The following MACF1 variants were observed in gnomAD, a reference collection of about 807,000 sequenced individuals.
MACF1 encodes microtubule actin crosslinking factor 1.
A neutral mutation model predicts 854.8 loss-of-function variants in MACF1; 193 were observed. The ratio of observed to expected loss-of-function variants is 0.23; its 90% confidence interval spans 0.20 to 0.25. The LOEUF is 0.25. Ranked by LOEUF, MACF1 falls within the 10% of genes least tolerant of loss-of-function variation. The pLI, the probability that MACF1 is intolerant of heterozygous loss-of-function variation, is 1.00. For missense variants in MACF1, 7,722 were observed against 8,929.1 expected, an observed-to-expected ratio of 0.86 and a Z score of 5.45; for synonymous variants, 3,185 against 3,226.7, an observed-to-expected ratio of 0.99 and a Z score of 0.44.
At chr1:39,473,213 T>C (rs1644810688) in intron 97 of MACF1, among the ~76,000 whole-genome samples, 1 of 152,204 alleles carries the variant, frequency 6.6e-6, no homozygotes, top group African/African-American at 2.4e-5. Flanking sequence ...AGACACCCTT[T>C]GGGCCCTCAG....
chr1:39,385,122 C>T (rs1650568782), intron 56 of MACF1, among the ~76,000 whole-genome samples: 1 of 152,172 alleles, frequency 6.6e-6, no homozygotes, highest in African/African-American at 2.4e-5. Flanking sequence ...GGCTGGAGTG[C>T]AGTGGTGCTG....
At position 39,430,857 on chromosome 1, in the gene MACF1, T is replaced by C. The variant is rs143622071; in HGVS notation, c.17286T>C (p.Thr5762=). The C allele has an allele frequency of 6.2e-7, 1 of 1,612,546 alleles. No homozygotes were observed. Among genetic ancestry groups the C allele is most frequent in the Non-Finnish European group, 8.5e-7 (1 of 1,180,000 alleles). ...AGCAGTACAAACTAGTCAGTGACACTATTGGACAAAGGGTGGATGAAATTG... is the reference window on the plus strand; with the variant it reads ...AGCAGTACAAACTAGTCAGTGACACCATTGGACAAAGGGTGGATGAAATTG... ...ANEQYKLVSD[T]IGQRVDEIDA... Residue 5762 remains threonine (T), a synonymous_variant, in exon 66 of 101, where the codon ACT becomes ACC. Coordinates refer to ENST00000564288, the MANE Select transcript of MACF1 (RefSeq NM_001394062.1).
chr1:39,327,983 A>C (rs936265343), intron 36 of MACF1, among the ~76,000 whole-genome samples: 2 of 152,140 alleles, frequency 1.3e-5, no homozygotes, highest in South Asian at 2.1e-4. Context: ...TATTATATAC[A>C]TGTGTCTCTG....
chr1:39,348,867 A>T (rs1207193322), intron 41 of MACF1, among the ~76,000 whole-genome samples: 5 of 152,142 alleles, frequency 3.3e-5, no homozygotes, highest in Admixed American at 1.3e-4. Context: ...CACCTAAAGG[A>T]CTGAGCCAGT....
chr1:39,287,053 T>G (rs542051186), intron 14 of MACF1, among the ~76,000 whole-genome samples: 1 of 151,042 alleles, frequency 6.6e-6, no homozygotes, highest in Non-Finnish European at 1.5e-5. Flanking sequence ...CTCCGCCTCC[T>G]GAGTTCAAGC....
At chr1:39,441,834 C>T in intron 74 of MACF1, 118 bp from the exon 75 acceptor site, 2 of 730,682 alleles carry the variant, frequency 2.7e-6, no homozygotes, top group Non-Finnish European at 4.7e-6. Context: ...TACCTGAAAT[C>T]ACAAACAGCA....
intron 2 of MACF1, among the ~76,000 whole-genome samples, chr1:39,183,111 G>T (rs1197557922): frequency 6.6e-6 from 1 of 152,190 alleles, no homozygotes; most frequent in Non-Finnish European, 1.5e-5. Context: ...CAAAAGGCTT[G>T]TATGATTCCA....
chr1:39,091,610 C>T (rs142004212), intron 2 of MACF1, among the ~76,000 whole-genome samples: 1,804 of 152,252 alleles, frequency 0.012, 41 homozygotes, highest in African/African-American at 0.038. Context: ...ATTCTCCTGC[C>T]TCAGCCTCTG....
Position 39,291,932 on chromosome 1 carries a change from G to C in MACF1, c.1808G>C (p.Trp603Ser). ...EMQMKLERAE[W>S]GNDLPSVELQ... ...CAGATGAAACTGGAGCGAGCAGAGT[G>C]GGGCAATGACCTGCCTAGTGTGGAG... Residue 603 changes from tryptophan (W) to serine (S), a missense_variant, in exon 16 of 101, where the codon TGG becomes TCG. Transcript: ENST00000564288. 2 of 1,613,754 alleles carry C rather than the reference G, an allele frequency of 1.2e-6. No homozygotes were observed. The highest frequency in any genetic ancestry group is 1.7e-6 in the Non-Finnish European group (2 of 1,179,924).
intron 2 of MACF1, among the ~76,000 whole-genome samples, chr1:39,091,522 A>T (rs950861337): frequency 6.6e-6 from 1 of 151,942 alleles, no homozygotes; most frequent in Non-Finnish European, 1.5e-5. Flanking sequence ...TTTGAGACAG[A>T]GTCTCGCTCT....
chr1:39,451,438 G>C (rs1215601016), intron 85 of MACF1, among the ~76,000 whole-genome samples: 1 of 152,154 alleles, frequency 6.6e-6, no homozygotes, highest in Non-Finnish European at 1.5e-5. Context: ...TTCACTTCAA[G>C]GTTGCGCCTC....
chr1:39,382,221 A>G (rs527648252), intron 56 of MACF1, 69 bp downstream of exon 56: 50 of 1,403,296 alleles, frequency 3.6e-5, no homozygotes, highest in Non-Finnish European at 4.9e-5. Context: ...CCCAGTAAGT[A>G]GATTTCATGT....
intron 23 of MACF1, among the ~76,000 whole-genome samples, chr1:39,307,393 T>G (rs1361931244): frequency 1.3e-5 from 2 of 152,216 alleles, no homozygotes; most frequent in Non-Finnish European, 2.9e-5. Flanking sequence ...TACGGAACAG[T>G]CTGATACTTT....
rs765280496 is a variant in MACF1, at chr1:39,353,210, C to G, written c.11403C>G (p.Asp3801Glu). 25 of 1,606,868 alleles carry G rather than the reference C, an allele frequency of 1.6e-5. 1 individual carries two copies. The South Asian group carries it at 2.3e-4, about 15-fold the overall frequency. Residue 3801 changes from aspartate (D) to glutamate (E), a missense_variant, in exon 44 of 101, where the codon GAC becomes GAG. By Grantham distance (45) the Asp-to-Glu change is conservative (BLOSUM62 2). Around this residue, in one of 15 missense-constraint regions of MACF1, gnomAD observed 2,807 missense variants for 3,235.8 expected, o/e 0.87. Coordinates refer to ENST00000564288, the MANE Select transcript of MACF1 (RefSeq NM_001394062.1). Reference protein sequence around the residue: ...MGVNQAPEKLDKQCEMMKARH... With the variant: ...MGVNQAPEKLEKQCEMMKARH... ...TGAATCAAGCCCCAGAGAAACTGGA[C>G]AAGCAATGTGAGATGATGAAGGTAA...
chr1:39,439,347 C>T lies in MACF1; in HGVS notation c.18294C>T (p.Ile6098=), dbSNP rs1405814666. The T allele has an allele frequency of 6.2e-7, 1 of 1,613,972 alleles. No individual in the cohort carries two copies. Among genetic ancestry groups the T allele is most frequent in the Admixed American group, 1.7e-5 (1 of 60,000 alleles). ...AAGCTCGGGCTGAAGAACGAGAAAT[C>T]AAATTTCTTGATGTCCTTGAATTAG... The part of the protein sequence containing the change: ...DIKARAEERE[I]KFLDVLELAE... Residue 6098 remains isoleucine (I), a synonymous_variant, in exon 72 of 101, where the codon ATC becomes ATT. Transcript: ENST00000564288.
chr1:39,430,112 T>G (rs1375385486), intron 65 of MACF1, 44 bp downstream of exon 65: 1 of 1,577,850 alleles, frequency 6.3e-7, no homozygotes, highest in Non-Finnish European at 8.6e-7. Flanking sequence ...GGCTTCCTCT[T>G]TGTCAGAATC....
chr1:39,238,982 G>A (rs1005572367), intron 2 of MACF1, among the ~76,000 whole-genome samples: 4 of 152,172 alleles, frequency 2.6e-5, no homozygotes, highest in Non-Finnish European at 5.9e-5. Context: ...ACCAACGTAA[G>A]GACAAAACCA....
In MACF1 at chr1:39,388,208, C is replaced by T. The variant is rs762605298; in HGVS notation, c.15366C>T (p.Gly5122=). Reference sequence around the variant, plus strand: ...TGGAAAACAAGCTGGAGGGGATTGGCCAGTTTCACTGCCGGGTCCGAGAGA... The same window carrying T: ...TGGAAAACAAGCTGGAGGGGATTGGTCAGTTTCACTGCCGGGTCCGAGAGA... ...VMMENKLEGI[G]QFHCRVREMF... The change falls in exon 58 of 101, where the codon GGC becomes GGT. Residue 5122 remains glycine (G), a synonymous_variant. Transcript: ENST00000564288. 5 of 1,614,156 alleles carry T rather than the reference C, an allele frequency of 3.1e-6. No individual in the cohort carries two copies. In the Admixed American group the frequency reaches 8.3e-5, roughly 27 times the overall value.
At chr1:39,168,170 T>C (rs1273955484) in intron 2 of MACF1, among the ~76,000 whole-genome samples, 1 of 152,238 alleles carries the variant, frequency 6.6e-6, no homozygotes, top group Non-Finnish European at 1.5e-5. Context: ...ATCTCTTGTC[T>C]ACTCTCCCTG....
Sources: gnomAD v4.1 joint callset for allele counts (sites outside exome capture counted in the v4.1 genomes callset) on GRCh38, gnomAD v4.1.1 for gene constraint, gnomAD v4.1.1 regional missense constraint, MANE v1.5 for transcripts, NCBI Gene and HGNC (gene_info 2026-07-23, HGNC 2026-07-21) for gene names.